SASH1: variants seen among roughly 807,000 people sequenced by gnomAD.
The protein encoded by SASH1 is SAM and SH3 domain-containing protein 1.
Under a neutral mutation model 125.2 loss-of-function variants are expected in SASH1, and 44 were observed. That is an observed-to-expected ratio of 0.35 (90% CI 0.28 to 0.45). The LOEUF (loss-of-function observed/expected upper bound fraction) is 0.45, where lower values mean the gene tolerates loss of function less well. Among genes scored for constraint, SASH1 ranks in the 20% least tolerant of loss-of-function variants. The pLI is 1.00. For synonymous variants in SASH1, 639 were observed against 649.1 expected, an observed-to-expected ratio of 0.98 and a Z score of 0.24; for missense variants, 1,426 against 1,614.5, an observed-to-expected ratio of 0.88 and a Z score of 2.00.
At chr6:148,322,995 C>T (rs566345035) in intron 1 of SASH1, among the ~76,000 whole-genome samples, 7 of 136,874 alleles carry the variant, frequency 5.1e-5, no homozygotes, top group Non-Finnish European at 1.1e-4. Context: ...TTCTCTTTCT[C>T]TCTCTCTCTC....
At chr6:148,305,854 C>T (rs1038151731) in intron 1 of SASH1, among the ~76,000 whole-genome samples, 6 of 151,946 alleles carry the variant, frequency 3.9e-5, no homozygotes, top group Non-Finnish European at 7.4e-5. Context: ...AGGAGAAATT[C>T]GAGGAAACGG....
At chr6:148,427,672 A>G (rs1775884697) in intron 2 of SASH1, among the ~76,000 whole-genome samples, 1 of 152,204 alleles carries the variant, frequency 6.6e-6, no homozygotes, top group Non-Finnish European at 1.5e-5. Context: ...GGGAGCACCA[A>G]GCTTGACCCT....
At chr6:148,272,825 G>A (rs1582902389) in intron 1 of SASH1, among the ~76,000 whole-genome samples, 1 of 152,188 alleles carries the variant, frequency 6.6e-6, no homozygotes, top group South Asian at 2.1e-4. Flanking sequence ...GGGACCATCC[G>A]ATTAACCATT....
chr6:148,447,876 C>T (rs1219743357), intron 4 of SASH1, among the ~76,000 whole-genome samples: 5 of 152,132 alleles, frequency 3.3e-5, no homozygotes, highest in African/African-American at 4.8e-5. Flanking sequence ...TCTCCCAGGG[C>T]GTGCTGAGCC....
chr6:148,434,508 A>G (rs1776213367), intron 2 of SASH1, among the ~76,000 whole-genome samples: 1 of 152,188 alleles, frequency 6.6e-6, no homozygotes, highest in African/African-American at 2.4e-5. Context: ...ATATATGAAC[A>G]AACATGCATG....
intron 2 of SASH1, among the ~76,000 whole-genome samples, chr6:148,392,674 T>C (rs1783778657): frequency 6.6e-6 from 1 of 152,234 alleles, no homozygotes; most frequent in African/African-American, 2.4e-5. Flanking sequence ...TGATTCTCTT[T>C]CTTTTATGTT....
intron 2 of SASH1, among the ~76,000 whole-genome samples, chr6:148,432,903 T>G (rs985885867): frequency 6.6e-6 from 1 of 152,200 alleles, no homozygotes; most frequent in South Asian, 2.1e-4. Flanking sequence ...ATGTCATCAT[T>G]TAGGGTCAGA....
intron 1 of SASH1, among the ~76,000 whole-genome samples, chr6:148,360,205 C>T (rs751115784): frequency 4.0e-5 from 6 of 151,754 alleles, no homozygotes; most frequent in East Asian, 3.9e-4. Context: ...GAACAAGGGA[C>T]GTCCTTCATT....
intron 8 of SASH1, chr6:148,513,935 T>C: frequency 1.0e-6 from 1 of 990,584 alleles, no homozygotes; most frequent in Non-Finnish European, 1.2e-6. Flanking sequence ...CAGCAAGCCC[T>C]GATGGGCCAG....
upstream of SASH1, among the ~76,000 whole-genome samples, chr6:148,341,461 C>T (rs1370489933): frequency 4.6e-5 from 7 of 151,840 alleles, no homozygotes; most frequent in South Asian, 2.1e-4. Context: ...GCGCCAGCCC[C>T]GCACCCGCCA....
At chr6:148,289,861 GTTTT>G (rs144013796) in intron 1 of SASH1, among the ~76,000 whole-genome samples, 1,683 of 85,898 alleles carry the variant, frequency 0.02, 17 homozygotes, top group African/African-American at 0.071. Context: ...TTTTGGTTGT[GTTTT>G]TTTTTTTTTT....
intron 1 of SASH1, among the ~76,000 whole-genome samples, chr6:148,355,888 T>C (rs1436658778): frequency 6.6e-6 from 1 of 152,146 alleles, no homozygotes; most frequent in East Asian, 1.9e-4. Context: ...AAAATTTCAA[T>C]AGTTTTTGGG....
the SASH1 span, among the ~76,000 whole-genome samples, chr6:148,204,791 G>A: frequency 6.6e-6 from 1 of 151,514 alleles, no homozygotes; most frequent in African/African-American, 2.4e-5. Context: ...AGTCCTAACC[G>A]AATGCCCCAA....
At chr6:148,308,435 G>A (rs1345195302) in intron 1 of SASH1, among the ~76,000 whole-genome samples, 4 of 143,778 alleles carry the variant, frequency 2.8e-5, no homozygotes, top group Non-Finnish European at 4.5e-5. Flanking sequence ...CACTCTGGTT[G>A]CCCAGGCTGG....
At chr6:148,250,635 A>T in the SASH1 span, among the ~76,000 whole-genome samples, 3 of 152,144 alleles carry the variant, frequency 2.0e-5, no homozygotes, top group Admixed American at 6.6e-5. Flanking sequence ...AAAATGATAC[A>T]GTGGCTGTAA....
chr6:148,378,513 C>T (rs996888784), intron 1 of SASH1, among the ~76,000 whole-genome samples: 2 of 152,150 alleles, frequency 1.3e-5, no homozygotes, highest in Non-Finnish European at 2.9e-5. Context: ...TGCCATCATG[C>T]CCCGCTAATT....
intron 4 of SASH1, among the ~76,000 whole-genome samples, chr6:148,455,059 G>T (rs1435968050): frequency 2.0e-5 from 3 of 152,190 alleles, no homozygotes; most frequent in Admixed American, 2.0e-4. Flanking sequence ...TATTTTGGAG[G>T]TGTTGGATAC....
intron 2 of SASH1, among the ~76,000 whole-genome samples, chr6:148,408,891 A>G (rs934629798): frequency 4.6e-5 from 7 of 152,352 alleles, no homozygotes; most frequent in Non-Finnish European, 8.8e-5. Context: ...CAGTTTACAC[A>G]TAGTCGCATA....
chr6:148,527,420 G>A (rs762744390), intron 11 of SASH1, 33 bp from the exon 12 acceptor site: 33 of 1,534,530 alleles, frequency 2.2e-5, no homozygotes, highest in Admixed American at 4.8e-5. Flanking sequence ...CATTTTCTGC[G>A]ACCAACAATA....
Sources: allele counts gnomAD v4.1 joint callset (sites outside exome capture counted in the v4.1 genomes callset), GRCh38; gene constraint gnomAD v4.1.1; transcripts MANE v1.5; gene names NCBI Gene and HGNC (gene_info 2026-07-23, HGNC 2026-07-21).